The following MYRFL variants were observed in gnomAD, a reference collection of about 807,000 sequenced individuals.
MYRFL encodes myelin regulatory factor-like protein.
Under a neutral mutation model 109.4 loss-of-function variants are expected in MYRFL, and 88 were observed. The observed-to-expected ratio is 0.80, with a 90% CI of 0.68 to 0.96. MYRFL has a LOEUF of 0.96. Ranked by LOEUF, MYRFL falls within the 40% of genes least tolerant of loss-of-function variation. The probability of loss-of-function intolerance (pLI) is 0.00; values close to 1 mark genes in which losing one functional copy is unlikely to be tolerated. For synonymous variants in MYRFL, 324 were observed against 320.9 expected, an observed-to-expected ratio of 1.01 and a Z score of -0.10; for missense variants, 957 against 954.9, an observed-to-expected ratio of 1.00 and a Z score of -0.03.
At chr12:69,913,533 C>T (rs1009684306) in intron 13 of MYRFL, among the ~76,000 whole-genome samples, 1 of 152,174 alleles carries the variant, frequency 6.6e-6, no homozygotes, top group African/African-American at 2.4e-5. Context: ...GTTTTCCTGG[C>T]ACAATTTGTT....
intron 16 of MYRFL, 21 bp from the exon 17 acceptor site, chr12:69,936,078 GTTTTTTTTTTTTTT>G (rs71098067): frequency 5.8e-5 from 52 of 893,944 alleles, no homozygotes; most frequent in South Asian, 1.6e-4. Flanking sequence ...GCCACATAAT[GTTTTTTTTTTTTTT>G]TTTTTTTTTT....
intron 23 of MYRFL, 87 bp downstream of exon 23, chr12:69,958,029 G>C: frequency 6.8e-7 from 1 of 1,468,738 alleles, no homozygotes; most frequent in Non-Finnish European, 9.0e-7. Flanking sequence ...GCCAACCCTA[G>C]TCACAGGGCT....
At chr12:69,848,906 C>T (rs889133239) in intron 1 of MYRFL, among the ~76,000 whole-genome samples, 1 of 152,176 alleles carries the variant, frequency 6.6e-6, no homozygotes, top group African/African-American at 2.4e-5. Flanking sequence ...AGATCTTGCT[C>T]TGTCACCCAG....
At chr12:69,956,580 A>T (rs1956101583) in intron 22 of MYRFL, among the ~76,000 whole-genome samples, 1 of 146,200 alleles carries the variant, frequency 6.8e-6, no homozygotes, top group Admixed American at 6.8e-5. Flanking sequence ...CTTTTCTATC[A>T]CTCTTTCCCT....
rs1347822592 is a variant in MYRFL, at chr12:69,903,732, T to G, written c.1271T>G (p.Val424Gly). The change falls in exon 11 of 25, where the codon GTA becomes GGA. Residue 424 changes from valine to glycine, a missense_variant. Physicochemically the swap from Val to Gly is moderately radical, Grantham distance 109. Transcript: ENST00000552032. The part of the protein sequence containing the change: ...VPESIVCHGR[V>G]GINTDAPDEA... ...GAATCTATTGTCTGTCACGGTCGAG[T>G]AGGAATCAACACAGATGCGCCGGAC... 6.5e-7 allele frequency: 1 copy of G among 1,535,584 alleles called. No homozygotes were observed. Among genetic ancestry groups the G allele is most frequent in the Non-Finnish European group, 8.7e-7 (1 of 1,146,630 alleles).
At chr12:69,847,655 TTCTC>T (rs1309343113) in intron 1 of MYRFL, among the ~76,000 whole-genome samples, 1 of 151,972 alleles carries the variant, frequency 6.6e-6, no homozygotes. Context: ...TTCAAATGAC[TTCTC>T]TCTCTCTCTT....
intron 10 of MYRFL, among the ~76,000 whole-genome samples, chr12:69,902,702 G>A (rs1954232222): frequency 6.6e-6 from 1 of 152,202 alleles, no homozygotes; most frequent in Non-Finnish European, 1.5e-5. Flanking sequence ...GATTTTGAGG[G>A]ATTTAGAGAT....
intron 6 of MYRFL, among the ~76,000 whole-genome samples, chr12:69,889,194 C>T (rs557404150): frequency 6.6e-5 from 10 of 151,960 alleles, no homozygotes; most frequent in African/African-American, 2.2e-4. Context: ...ATGCCCTCCT[C>T]TGCTTGCAGA....
chr12:69,901,022 C>T (rs1954165736), intron 10 of MYRFL, among the ~76,000 whole-genome samples: 1 of 152,102 alleles, frequency 6.6e-6, no homozygotes. Context: ...CACAATAACC[C>T]TATGAGGTGG....
chr12:69,883,943 A>G (rs1326275528), intron 5 of MYRFL, among the ~76,000 whole-genome samples: 1 of 152,138 alleles, frequency 6.6e-6, no homozygotes, highest in African/African-American at 2.4e-5. Flanking sequence ...TTCCATTTCC[A>G]TAGTATTCCA....
chr12:69,903,850 C>T lies in MYRFL; in HGVS notation c.1383+6C>T. 2.6e-6 allele frequency: 4 copies of T among 1,520,752 alleles called. No individual in the cohort carries two copies. The highest frequency in any genetic ancestry group is 3.5e-6 in the Non-Finnish European group (4 of 1,136,970). 94.2% of individuals were successfully genotyped at this position (1,520,752 alleles called of 1,614,324 possible). On this transcript the variant is annotated splice_donor_region_variant and intron_variant, in intron 11 of 24. Coordinates refer to ENST00000552032, the MANE Select transcript of MYRFL (RefSeq NM_182530.3). ...CAAAGCAGAATATCCAGGAGGTGAG[C>T]ACAGATTCAGGCCCTGGGCCCCTCC...
rs577523836 is a variant in MYRFL, at chr12:69,903,845, G to A, written c.1383+1G>A. 9 of 1,524,980 alleles carry A rather than the reference G, an allele frequency of 5.9e-6. No individual in the cohort carries two copies. In the East Asian group the frequency reaches 1.5e-4, roughly 25 times the overall value. 94.5% of individuals were successfully genotyped at this position (1,524,980 alleles called of 1,614,324 possible). A position where few individuals can be genotyped will look rare whatever the true frequency, so the allele number is the denominator to read the frequency against. On this transcript the variant is annotated splice_donor_variant, in intron 11 of 24. Transcript: ENST00000552032. LOFTEE classifies it high-confidence loss of function. ...CCGGGCAAAGCAGAATATCCAGGAG[G>A]TGAGCACAGATTCAGGCCCTGGGCC...
intron 1 of MYRFL, among the ~76,000 whole-genome samples, chr12:69,846,944 G>A (rs1279619302): frequency 6.6e-6 from 1 of 151,760 alleles, no homozygotes; most frequent in Non-Finnish European, 1.5e-5. Flanking sequence ...TTCTCTGATG[G>A]CCAGTGATGA....
At chr12:69,902,907 C>G (rs1295443487) in intron 10 of MYRFL, among the ~76,000 whole-genome samples, 1 of 152,180 alleles carries the variant, frequency 6.6e-6, no homozygotes, top group Non-Finnish European at 1.5e-5. Flanking sequence ...GTGAAACAGG[C>G]AAATCATTAT....
chr12:69,886,837 A>G lies in MYRFL; in HGVS notation c.574A>G (p.Ser192Gly), dbSNP rs1313624798. The G allele has an allele frequency of 6.5e-7, 1 of 1,535,948 alleles. No individual in the cohort carries two copies. Among genetic ancestry groups the G allele is most frequent in the South Asian group, 1.2e-5 (1 of 84,054 alleles). Residue 192 changes from serine to glycine, a missense_variant, in exon 6 of 25, where the codon AGC becomes GGC. Physicochemically the swap from Ser to Gly is moderately conservative, Grantham distance 56. Coordinates refer to ENST00000552032, the MANE Select transcript of MYRFL (RefSeq NM_182530.3). ...HCRPMTSRSR[S>G]SEVQDPDSEG... ...CTTTGCAGTGACAAGTAGGAGTCGC[A>G]GCAGTGAAGTCCAGGACCCTGACAG...
rs373763134 is a variant in MYRFL at position 69,867,443 on chromosome 12, G to A, written c.138-11585G>A. On this transcript the variant is annotated intron_variant, in intron 2 of 24. Transcript: ENST00000552032. ...GGTTTGAGTCAGTGTGCTTAGTAGG[G>A]GTAGATAAAATGAGCTTTAGCCTTT... is the stretch of plus-strand genomic sequence containing the variant. Among the ~76,000 whole-genome samples, 15 of 152,292 alleles carry A rather than the reference G, an allele frequency of 9.8e-5. No homozygotes were observed. In the East Asian group the frequency reaches 2.7e-3, roughly 27 times the overall value.
At chr12:69,850,259 A>T (rs1565969129) in intron 1 of MYRFL, among the ~76,000 whole-genome samples, 1 of 152,140 alleles carries the variant, frequency 6.6e-6, no homozygotes, top group Non-Finnish European at 1.5e-5. Context: ...GTGTGTCTTT[A>T]TCTGTAGCAT....
At chr12:69,942,761 T>C (rs1198195903) in intron 19 of MYRFL, among the ~76,000 whole-genome samples, 1 of 151,804 alleles carries the variant, frequency 6.6e-6, no homozygotes, top group Non-Finnish European at 1.5e-5. Context: ...TGTTTGCAGA[T>C]GACATGATTG....
chr12:69,931,877 C>CG (rs1955282547), intron 15 of MYRFL, among the ~76,000 whole-genome samples: 3 of 152,088 alleles, frequency 2.0e-5, no homozygotes, highest in Non-Finnish European at 4.4e-5. Flanking sequence ...GTCCTGGAGA[C>CG]TATAATTTAC....
Sources: allele counts gnomAD v4.1 joint callset (sites outside exome capture counted in the v4.1 genomes callset), GRCh38; gene constraint gnomAD v4.1.1; transcripts MANE v1.5; gene names NCBI Gene and HGNC (gene_info 2026-07-23, HGNC 2026-07-21).